ADAMTSL1: variants seen among roughly 807,000 people sequenced by gnomAD.
The protein encoded by ADAMTSL1 is ADAMTS like 1, also known as ADAMTS-like protein 1.
Under a neutral mutation model 201.8 loss-of-function variants are expected in ADAMTSL1, and 126 were observed. That is an observed-to-expected ratio of 0.62 (90% CI 0.54 to 0.72). ADAMTSL1 has a LOEUF of 0.72. Among genes scored for constraint, ADAMTSL1 ranks in the 30% least tolerant of loss-of-function variants. ADAMTSL1 has a pLI of 0.00. For synonymous variants in ADAMTSL1, 1,121 were observed against 903.4 expected (o/e 1.24, Z -4.32); for missense variants, 2,679 against 2,277.8 (o/e 1.18, Z -3.59).
intron 23 of ADAMTSL1, among the ~76,000 whole-genome samples, chr9:18,871,640 A>G (rs1827875340): frequency 1.3e-5 from 2 of 152,180 alleles, no homozygotes; most frequent in African/African-American, 2.4e-5. Context: ...ACATTTTTCC[A>G]TCCACAGGGG....
At position 18,413,022 on chromosome 9, in the gene ADAMTSL1, G is replaced by T. The variant is rs1818514302; in HGVS notation, c.208-91807G>T. ...GTCGTTTTTTGTTACCAAGTTTTTA[G>T]TAGGCTCATAGAAAAGTTAAGGCGT... On this transcript the variant is annotated intron_variant, in intron 2 of 29. Coordinates refer to the ADAMTSL1 transcript ENST00000680146. 2.0e-5 allele frequency among the ~76,000 whole-genome samples: 3 copies of T among 151,808 alleles called. No individual in the cohort carries two copies. The South Asian group carries it at 6.3e-4, about 32-fold the overall frequency.
intron 2 of ADAMTSL1, among the ~76,000 whole-genome samples, chr9:18,369,218 G>C (rs10733351): frequency 6.6e-6 from 1 of 151,966 alleles, no homozygotes; most frequent in African/African-American, 2.4e-5. Flanking sequence ...TTCTTTAGTT[G>C]AACTCACAAC....
At chr9:18,079,792 A>T (rs1823407369) in intron 1 of ADAMTSL1, among the ~76,000 whole-genome samples, 1 of 152,108 alleles carries the variant, frequency 6.6e-6, no homozygotes, top group Non-Finnish European at 1.5e-5. Flanking sequence ...AAGCATCCAG[A>T]TTTATTTTTT....
At chr9:18,035,402 T>C (rs1476662330) in intron 1 of ADAMTSL1, among the ~76,000 whole-genome samples, 1 of 152,148 alleles carries the variant, frequency 6.6e-6, no homozygotes, top group East Asian at 1.9e-4. Context: ...ATTGTGTCCT[T>C]TATCTTGTAG....
chr9:17,924,908 T>A (rs62258836), intron 1 of ADAMTSL1, among the ~76,000 whole-genome samples: 24,579 of 101,622 alleles, frequency 0.24, 2,446 homozygotes, highest in East Asian at 0.37. Context: ...ACCATCAGAG[T>A]GAACAGGCAA....
chr9:18,613,175 C>G (rs1825489676), intron 4 of ADAMTSL1, among the ~76,000 whole-genome samples: 1 of 152,042 alleles, frequency 6.6e-6, no homozygotes, highest in African/African-American at 2.4e-5. Context: ...GCATTTCACA[C>G]CAGTCAGAAT....
chr9:18,684,834 G>C, intron 13 of ADAMTSL1, 34 bp downstream of exon 13: 1 of 1,580,190 alleles, frequency 6.3e-7, no homozygotes, highest in Non-Finnish European at 8.6e-7. Flanking sequence ...TTCTATATTT[G>C]AAACTGTTTT....
chr9:18,674,263 A>T (rs975705432), intron 9 of ADAMTSL1, among the ~76,000 whole-genome samples: 3 of 152,108 alleles, frequency 2.0e-5, no homozygotes, highest in African/African-American at 7.2e-5. Context: ...AAATGAATAT[A>T]AAAAACTTAT....
intron 1 of ADAMTSL1, among the ~76,000 whole-genome samples, chr9:17,911,074 A>G (rs73414833): frequency 0.028 from 1,944 of 68,732 alleles, 499 homozygotes; most frequent in African/African-American, 0.053. Context: ...TAGTCCAAAG[A>G]ACAATTTTAA....
intron 2 of ADAMTSL1, among the ~76,000 whole-genome samples, chr9:18,451,042 A>G (rs1054759787): frequency 2.6e-5 from 4 of 152,228 alleles, no homozygotes; most frequent in African/African-American, 9.6e-5. Flanking sequence ...GTAAGACACC[A>G]AGGTAAGTTT....
intron 4 of ADAMTSL1, among the ~76,000 whole-genome samples, chr9:18,604,378 G>A (rs975817541): frequency 6.6e-6 from 1 of 152,134 alleles, no homozygotes; most frequent in Non-Finnish European, 1.5e-5. Context: ...TAACAAGAAG[G>A]AAAACTTTGA....
chr9:18,142,593 G>A (rs1826448660), intron 1 of ADAMTSL1, among the ~76,000 whole-genome samples: 1 of 152,124 alleles, frequency 6.6e-6, no homozygotes, highest in South Asian at 2.1e-4. Flanking sequence ...AGAAAACTGA[G>A]GCAGAGATAA....
chr9:18,327,524 G>A (rs184869015), intron 2 of ADAMTSL1, among the ~76,000 whole-genome samples: 18 of 152,306 alleles, frequency 1.2e-4, no homozygotes, highest in Non-Finnish European at 1.9e-4. Flanking sequence ...CAAGGTAACA[G>A]TATGTTCTCC....
chr9:18,471,018 A>C (rs2131746042), upstream of ADAMTSL1, among the ~76,000 whole-genome samples: 1 of 152,360 alleles, frequency 6.6e-6, no homozygotes, highest in South Asian at 2.1e-4. Context: ...AGATGCCGTA[A>C]GTGGCCTTTC....
intron 2 of ADAMTSL1, among the ~76,000 whole-genome samples, chr9:18,346,311 C>T (rs940983834): frequency 2.2e-5 from 3 of 133,736 alleles, no homozygotes; most frequent in African/African-American, 8.6e-5. Flanking sequence ...TTCAGCGTCA[C>T]TATTATCAGT....
rs183882736 is a variant in ADAMTSL1, at chr9:18,896,182, T to G, written c.4851+3586T>G. Among the ~76,000 whole-genome samples, 453 of 152,182 alleles carry G rather than the reference T, an allele frequency of 3.0e-3. 1 individual carries two copies. The highest frequency in any genetic ancestry group is 0.01 in the African/African-American group (430 of 41,508). On this transcript the variant is annotated intron_variant, in intron 26 of 28. Transcript: ENST00000380548. Reference sequence around the variant, plus strand: ...ATTTGCAGAAATAATGGCCAAAAACTTTCCAAATTTGATGAAAGACATGAA... The same window carrying G: ...ATTTGCAGAAATAATGGCCAAAAACGTTCCAAATTTGATGAAAGACATGAA...
At chr9:18,587,997 G>C (rs1587648961) in intron 4 of ADAMTSL1, among the ~76,000 whole-genome samples, 1 of 152,114 alleles carries the variant, frequency 6.6e-6, no homozygotes, top group Non-Finnish European at 1.5e-5. Context: ...CCAGTAGTGA[G>C]GTTGCTGGAT....
At chr9:18,688,555 C>A (rs567985908) in intron 13 of ADAMTSL1, among the ~76,000 whole-genome samples, 1 of 145,936 alleles carries the variant, frequency 6.9e-6, no homozygotes, top group African/African-American at 2.5e-5. Flanking sequence ...ATATTCGCAG[C>A]TACTCAGGAG....
At chr9:18,845,711 G>A (rs11787839) in intron 23 of ADAMTSL1, among the ~76,000 whole-genome samples, 13,986 of 152,250 alleles carry the variant, frequency 0.092, 848 homozygotes, top group East Asian at 0.22. Context: ...TGCTAAGAGC[G>A]GCAAGGCTCT....
Sources: gnomAD v4.1 joint callset for allele counts (sites outside exome capture counted in the v4.1 genomes callset) on GRCh38, gnomAD v4.1.1 for gene constraint, MANE v1.5 for transcripts, NCBI Gene and HGNC (gene_info 2026-07-23, HGNC 2026-07-21) for gene names.